CDK13: variants seen among roughly 807,000 people sequenced by gnomAD.
CDK13 encodes the protein cyclin-dependent kinase 13.
CDK13 carries 40 observed loss-of-function variants against 137.6 expected under a neutral mutation model. The ratio of observed to expected loss-of-function variants is 0.29; its 90% CI spans 0.23 to 0.38. The LOEUF is 0.38. CDK13 is among the 10% of genes least tolerant of loss of function. The pLI, the probability that CDK13 is intolerant of heterozygous loss-of-function variation, is 1.00. For missense variants in CDK13, 1,704 were observed against 1,951.8 expected (o/e 0.87, Z 2.39); for synonymous variants, 869 against 760.1 (o/e 1.14, Z -2.36).
At chr7:40,018,183 A>G (rs113412695) in intron 5 of CDK13, among the ~76,000 whole-genome samples, 2 of 152,156 alleles carry the variant, frequency 1.3e-5, no homozygotes, top group African/African-American at 4.8e-5. Context: ...GGGAGGAAGA[A>G]TGCTTTTTAA....
intron 5 of CDK13, among the ~76,000 whole-genome samples, chr7:40,021,112 T>TACACACACAC (rs1415262803): frequency 5.3e-4 from 47 of 88,370 alleles, no homozygotes; most frequent in African/African-American, 2.2e-3. Context: ...CGTATATATA[T>TACACACACAC]ATATATATAT....
chr7:40,088,074 C>T, intron 11 of CDK13, 52 bp from the exon 12 acceptor site: 1 of 1,495,378 alleles, frequency 6.7e-7, no homozygotes, highest in Non-Finnish European at 9.2e-7. Context: ...GTAACTGTAG[C>T]ATTTTTTGTT....
chr7:40,044,528 A>T (rs1157749054), intron 5 of CDK13, among the ~76,000 whole-genome samples: 1 of 151,960 alleles, frequency 6.6e-6, no homozygotes, highest in Non-Finnish European at 1.5e-5. Context: ...CATGTTGCCC[A>T]GGCTGGTTTC....
intron 2 of CDK13, among the ~76,000 whole-genome samples, chr7:39,994,737 A>T (rs981127194): frequency 6.6e-6 from 1 of 152,144 alleles, no homozygotes; most frequent in African/African-American, 2.4e-5. Flanking sequence ...CATTGGATAG[A>T]CTGAGTAATA....
chr7:39,980,090 G>A (rs1036999610), intron 1 of CDK13, among the ~76,000 whole-genome samples: 1 of 152,206 alleles, frequency 6.6e-6, no homozygotes, highest in South Asian at 2.1e-4. Context: ...TGCTGACTTT[G>A]TGGAGTTTTC....
intron 1 of CDK13, among the ~76,000 whole-genome samples, chr7:39,976,063 C>T (rs1427451237): frequency 3.3e-5 from 5 of 151,906 alleles, no homozygotes; most frequent in African/African-American, 4.8e-5. Context: ...TTTGGGAGGC[C>T]GAGATGGGCG....
At chr7:40,086,508 G>C (rs771073879) in intron 11 of CDK13, among the ~76,000 whole-genome samples, 4 of 151,992 alleles carry the variant, frequency 2.6e-5, no homozygotes, top group Non-Finnish European at 4.4e-5. Flanking sequence ...ACTTAATTAG[G>C]GTAAGAAGAA....
At chr7:39,966,092 T>C (rs1783864949) in intron 1 of CDK13, among the ~76,000 whole-genome samples, 1 of 152,178 alleles carries the variant, frequency 6.6e-6, no homozygotes, top group South Asian at 2.1e-4. Context: ...GACAATTACG[T>C]GTCTTGGAGT....
At chr7:40,079,215 T>G (rs1303666103) in intron 11 of CDK13, among the ~76,000 whole-genome samples, 1 of 152,142 alleles carries the variant, frequency 6.6e-6, no homozygotes, top group Non-Finnish European at 1.5e-5. Context: ...GGTCAGGAGT[T>G]TGAGACCAGT....
chr7:40,075,856 C>T (rs918566288), intron 9 of CDK13, among the ~76,000 whole-genome samples: 2 of 152,074 alleles, frequency 1.3e-5, no homozygotes, highest in African/African-American at 2.4e-5. Flanking sequence ...ACAAACCTAC[C>T]GCAGTATTAT....
intron 7 of CDK13, among the ~76,000 whole-genome samples, chr7:40,050,884 A>G (rs1785872229): frequency 6.6e-6 from 1 of 152,224 alleles, no homozygotes; most frequent in African/African-American, 2.4e-5. Flanking sequence ...ATTTTAATCT[A>G]ATAGATTCTT....
chr7:39,982,056 G>A (rs1283784693), intron 1 of CDK13, among the ~76,000 whole-genome samples: 1 of 145,166 alleles, frequency 6.9e-6, no homozygotes, highest in Non-Finnish European at 1.5e-5. Flanking sequence ...GGGGACATGT[G>A]CACAATGTGC....
chr7:39,999,844 T>G (rs369080476), intron 4 of CDK13, among the ~76,000 whole-genome samples: 237 of 151,892 alleles, frequency 1.6e-3, no homozygotes, highest in African/African-American at 5.7e-3. Context: ...TAGTAAATTT[T>G]TTTTGTCATA....
intron 1 of CDK13, among the ~76,000 whole-genome samples, chr7:39,973,782 A>G (rs997274905): frequency 1.3e-5 from 2 of 152,204 alleles, no homozygotes; most frequent in Admixed American, 1.3e-4. Context: ...GAAGAGGTCT[A>G]GCTTCATTCT....
chr7:40,028,130 G>A (rs755912531), intron 5 of CDK13, among the ~76,000 whole-genome samples: 4 of 151,726 alleles, frequency 2.6e-5, no homozygotes, highest in African/African-American at 4.8e-5. Flanking sequence ...GCAGCTGAAG[G>A]TCGTTCTCTT....
At chr7:40,067,295 C>G (rs1786301313) in intron 9 of CDK13, 1 of 152,400 alleles carries the variant, frequency 6.6e-6, no homozygotes, top group Non-Finnish European at 1.5e-5. Flanking sequence ...CCTGTAATCG[C>G]AGCACTTTGG....
chr7:39,998,094 G>A (rs17537852), intron 3 of CDK13: 4,666 of 156,786 alleles, frequency 0.03, 230 homozygotes, highest in African/African-American at 0.11. Flanking sequence ...AAGAGATGGA[G>A]TAGAAGAAGT....
chr7:39,970,981 T>TA (rs1362493870), intron 1 of CDK13, among the ~76,000 whole-genome samples: 2 of 152,248 alleles, frequency 1.3e-5, no homozygotes, highest in African/African-American at 2.4e-5. Context: ...CTATGTCTGA[T>TA]AAAGTCTCCA....
intron 1 of CDK13, among the ~76,000 whole-genome samples, chr7:39,970,630 T>C (rs919930079): frequency 2.6e-5 from 4 of 151,960 alleles, no homozygotes; most frequent in African/African-American, 9.7e-5. Flanking sequence ...CCAGCTAATT[T>C]TTGTATTTTT....
Sources: allele counts gnomAD v4.1 joint callset (sites outside exome capture counted in the v4.1 genomes callset), GRCh38; gene constraint gnomAD v4.1.1; transcripts MANE v1.5; gene names NCBI Gene and HGNC (gene_info 2026-07-23, HGNC 2026-07-21).